Variants in KLF12 observed in about 807,000 individuals in gnomAD.
KLF12 encodes the protein Krueppel-like factor 12.
A neutral mutation model predicts 37.8 loss-of-function variants in KLF12; 9 were observed. That is an observed-to-expected ratio of 0.24 (90% CI 0.14 to 0.42). KLF12 has a LOEUF of 0.42. Among genes scored for constraint, KLF12 ranks in the 10% least tolerant of loss-of-function variants. KLF12 has a pLI of 1.00. For synonymous variants in KLF12, 208 were observed against 202.1 expected (o/e 1.03, Z -0.25); for missense variants, 411 against 516.0 (o/e 0.80, Z 1.97).
intron 5 of KLF12, among the ~76,000 whole-genome samples, chr13:73,787,186 T>C (rs1047237530): frequency 6.6e-6 from 1 of 152,228 alleles, no homozygotes; most frequent in Non-Finnish European, 1.5e-5. Flanking sequence ...AACAACTATA[T>C]ATAGTTAATT....
At chr13:73,742,781 C>T (rs76446536) in intron 6 of KLF12, among the ~76,000 whole-genome samples, 2,822 of 152,216 alleles carry the variant, frequency 0.019, 72 homozygotes, top group African/African-American at 0.061. Flanking sequence ...CTACATCAAC[C>T]GCACAGTGCT....
In KLF12 at chr13:74,031,793, C is replaced by T. The variant is rs184429341; in HGVS notation, c.-31-36740G>A. Among the ~76,000 whole-genome samples, 186 of 56,478 alleles carry T rather than the reference C, an allele frequency of 3.3e-3. 2 individuals carry two copies. The highest frequency in any genetic ancestry group is 0.012 in the African/African-American group (179 of 14,428). 37.1% of individuals were successfully genotyped at this position (56,478 alleles called of 152,430 possible). A position where few individuals can be genotyped will look rare whatever the true frequency, so the allele number is the denominator to read the frequency against. ...CCACGTGATTCTTTTCCAACAAATA[C>T]AAATCTGAAAAAAAATGTGCTTCTC... On this transcript the variant is annotated intron_variant, in intron 1 of 7. Transcript: ENST00000377669.
chr13:74,147,882 A>G, the KLF12 span, among the ~76,000 whole-genome samples: 1 of 151,824 alleles, frequency 6.6e-6, no homozygotes, highest in African/African-American at 2.4e-5. Context: ...CCATTTATGT[A>G]TATTGCTCCA....
chr13:73,699,199 C>G (rs558961636), intron 7 of KLF12, among the ~76,000 whole-genome samples: 2 of 138,718 alleles, frequency 1.4e-5, no homozygotes, highest in Admixed American at 1.5e-4. Context: ...CCCACCCCCC[C>G]ACTGCAATCT....
intron 4 of KLF12, among the ~76,000 whole-genome samples, chr13:73,829,111 G>A (rs1353845018): frequency 1.3e-5 from 2 of 152,040 alleles, no homozygotes; most frequent in Non-Finnish European, 2.9e-5. Flanking sequence ...TGGCTTTTTT[G>A]TCTGCTTTAT....
chr13:74,036,584 A>G (rs1027947647), intron 1 of KLF12, among the ~76,000 whole-genome samples: 1 of 152,150 alleles, frequency 6.6e-6, no homozygotes, highest in Non-Finnish European at 1.5e-5. Flanking sequence ...ATGACAGAGG[A>G]GTGTGGCCTG....
chr13:73,811,034 G>C (rs1365842446), intron 5 of KLF12, among the ~76,000 whole-genome samples: 2 of 117,658 alleles, frequency 1.7e-5, no homozygotes, highest in African/African-American at 3.3e-5. Flanking sequence ...TGCCCAGGCT[G>C]GAGTACAGTG....
At chr13:74,185,998 T>C in the KLF12 span, among the ~76,000 whole-genome samples, 2 of 152,190 alleles carry the variant, frequency 1.3e-5, no homozygotes, top group Non-Finnish European at 2.9e-5. Context: ...AGAACAGTGA[T>C]GAGCTGGAAT....
chr13:74,129,676 T>A (rs1878153600), intron 1 of KLF12, among the ~76,000 whole-genome samples: 1 of 149,266 alleles, frequency 6.7e-6, no homozygotes. Context: ...AAGAAACACA[T>A]GACTTTAAGT....
the KLF12 span, among the ~76,000 whole-genome samples, chr13:74,281,859 A>T: frequency 1.3e-5 from 2 of 152,202 alleles, no homozygotes; most frequent in Non-Finnish European, 2.9e-5. Context: ...CTTCAGGTAG[A>T]TGTAAAATTG....
rs79177566 is a variant in KLF12 at position 73,891,555 on chromosome 13, G to A, written c.124-45182C>T. Among the ~76,000 whole-genome samples, 1,505 of 152,192 alleles carry A rather than the reference G, an allele frequency of 9.9e-3. 25 individuals carry two copies. The highest frequency in any genetic ancestry group is 0.034 in the African/African-American group (1,431 of 41,560). On this transcript the variant is annotated intron_variant, in intron 3 of 7. Transcript: ENST00000377669. ...TTTCAAGAATCATGGAAAACAACAAGTTCTGGACAAGCACACTTTCAAAAT... is the reference window on the plus strand; with the variant it reads ...TTTCAAGAATCATGGAAAACAACAAATTCTGGACAAGCACACTTTCAAAAT...
intron 1 of KLF12, among the ~76,000 whole-genome samples, chr13:74,112,326 T>C (rs1419536536): frequency 6.7e-6 from 1 of 150,160 alleles, no homozygotes; most frequent in Non-Finnish European, 1.5e-5. Context: ...ATATAAAAAG[T>C]TCTTTATACA....
At chr13:73,756,554 C>T (rs1276662744) in intron 6 of KLF12, among the ~76,000 whole-genome samples, 9 of 152,094 alleles carry the variant, frequency 5.9e-5, no homozygotes, top group African/African-American at 2.4e-5. Flanking sequence ...TAAGGCATTA[C>T]GACCTTATGG....
At chr13:74,017,193 T>C (rs1186987597) in intron 1 of KLF12, among the ~76,000 whole-genome samples, 1 of 146,248 alleles carries the variant, frequency 6.8e-6, no homozygotes, top group African/African-American at 2.5e-5. Flanking sequence ...TGCACTTCCT[T>C]GAGTGAACTA....
At chr13:73,933,858 T>A (rs1036944816) in intron 3 of KLF12, among the ~76,000 whole-genome samples, 1 of 139,512 alleles carries the variant, frequency 7.2e-6, no homozygotes, top group Non-Finnish European at 1.5e-5. Flanking sequence ...AAAGAACATA[T>A]AACATAAAAT....
intron 3 of KLF12, among the ~76,000 whole-genome samples, chr13:73,858,120 T>A (rs1885703169): frequency 6.6e-6 from 1 of 152,170 alleles, no homozygotes; most frequent in East Asian, 1.9e-4. Context: ...CTACAGCAAA[T>A]CTTTGCTACT....
intron 1 of KLF12, among the ~76,000 whole-genome samples, chr13:74,018,890 T>C (rs1037626228): frequency 2.0e-5 from 3 of 152,202 alleles, no homozygotes; most frequent in Non-Finnish European, 4.4e-5. Context: ...ATCCTAGCCT[T>C]ATCATAGATG....
intron 6 of KLF12, among the ~76,000 whole-genome samples, chr13:73,746,696 T>C (rs1221836396): frequency 6.6e-6 from 1 of 152,154 alleles, no homozygotes; most frequent in Non-Finnish European, 1.5e-5. Flanking sequence ...TAAAACATTC[T>C]ATTTTATTTA....
At chr13:73,817,095 C>A (rs142385598) in intron 4 of KLF12, among the ~76,000 whole-genome samples, 27,924 of 151,938 alleles carry the variant, frequency 0.18, 3,144 homozygotes, top group East Asian at 0.48. Flanking sequence ...GGCAGGAGGA[C>A]TGCTTGAGCC....
Sources: gnomAD v4.1 joint callset for allele counts (sites outside exome capture counted in the v4.1 genomes callset) on GRCh38, gnomAD v4.1.1 for gene constraint, MANE v1.5 for transcripts, NCBI Gene and HGNC (gene_info 2026-07-23, HGNC 2026-07-21) for gene names.